Variants in DNAI3 observed in about 807,000 individuals in gnomAD.
The protein encoded by DNAI3 is dynein axonemal intermediate chain 3.
Under a neutral mutation model 115.5 loss-of-function variants are expected in DNAI3, and 83 were observed. That is an observed-to-expected ratio of 0.72 (90% CI 0.60 to 0.86). The LOEUF is 0.86. DNAI3 is among the 40% of genes least tolerant of loss of function. The pLI, the probability that DNAI3 is intolerant of heterozygous loss-of-function variation, is 0.00. For synonymous variants in DNAI3, 320 were observed against 347.0 expected (o/e 0.92, Z 0.86); for missense variants, 1,004 against 1,075.8 (o/e 0.93, Z 0.93).
intron 16 of DNAI3, among the ~76,000 whole-genome samples, chr1:85,110,450 C>CAAATAAAT (rs71582946): frequency 0.38 from 51,793 of 137,988 alleles, 10,140 homozygotes; most frequent in East Asian, 0.5. Flanking sequence ...GACTCCATCT[C>CAAATAAAT]AAATAAATAA....
intron 5 of DNAI3, among the ~76,000 whole-genome samples, chr1:85,084,277 T>TATATATATATATATATATATAC: frequency 7.8e-6 from 1 of 128,486 alleles, no homozygotes; most frequent in Non-Finnish European, 1.6e-5. Flanking sequence ...TATATATATA[T>TATATATATATATATATATATAC]ACACATCCAT....
intron 9 of DNAI3, chr1:85,094,044 G>T: frequency 2.5e-6 from 1 of 406,222 alleles, no homozygotes; most frequent in South Asian, 2.0e-5. Context: ...GAGCTCAGCA[G>T]CCAAGGGAGG....
intron 13 of DNAI3, among the ~76,000 whole-genome samples, chr1:85,104,095 C>A (rs1384513144): frequency 6.7e-6 from 1 of 149,596 alleles, no homozygotes; most frequent in Non-Finnish European, 1.5e-5. Flanking sequence ...TTCTGTTTCA[C>A]AAACTTCTGA....
intron 20 of DNAI3, among the ~76,000 whole-genome samples, chr1:85,127,645 C>T (rs1322354333): frequency 1.3e-5 from 2 of 152,228 alleles, no homozygotes; most frequent in African/African-American, 4.8e-5. Context: ...CAGTCTTCAG[C>T]ATCTTGAGTG....
chr1:85,128,868 A>G (rs947399363), intron 21 of DNAI3, 69 bp downstream of exon 21: 9 of 1,407,258 alleles, frequency 6.4e-6, no homozygotes, highest in Admixed American at 2.0e-5. Flanking sequence ...CTTTAAAAAA[A>G]TGTTAGAAAT....
At chr1:85,091,705 A>G (rs1654980638) in intron 8 of DNAI3, among the ~76,000 whole-genome samples, 1 of 152,200 alleles carries the variant, frequency 6.6e-6, no homozygotes, top group African/African-American at 2.4e-5. Context: ...GAGATGAGAG[A>G]GAGGAACTTC....
chr1:85,116,508 T>A (rs1208506282), intron 16 of DNAI3, among the ~76,000 whole-genome samples: 1 of 152,258 alleles, frequency 6.6e-6, no homozygotes, highest in East Asian at 1.9e-4. Flanking sequence ...TATATGTATT[T>A]ACAAATTATA....
At chr1:85,103,849 T>C (rs1655402248) in intron 13 of DNAI3, among the ~76,000 whole-genome samples, 1 of 150,654 alleles carries the variant, frequency 6.6e-6, no homozygotes, top group Non-Finnish European at 1.5e-5. Context: ...ATTGTGCCAC[T>C]GTACTCCAAC....
Position 85,110,053 on chromosome 1 carries a change from G to T in DNAI3, c.1704G>T (p.Arg568Ser). ...GCTATATGTTCTCCCAAAAGGTAAGGCTGTCCAAGGGTGAAACAAGTTTAG... is the reference window on the plus strand; with the variant it reads ...GCTATATGTTCTCCCAAAAGGTAAGTCTGTCCAAGGGTGAAACAAGTTTAG... ...DLSWKPLTKV[R>S]LSKGETSLDH... is the part of the protein sequence containing the mutation. Residue 568 changes from arginine (R) to serine (S), a missense_variant, in exon 16 of 23, where the codon AGG becomes AGT. By Grantham distance (110) the Arg-to-Ser change is moderately radical (BLOSUM62 -1). Transcript: ENST00000294664. The T allele has an allele frequency of 6.2e-7, 1 of 1,613,574 alleles. No homozygotes were observed. Among genetic ancestry groups the T allele is most frequent in the East Asian group, 2.2e-5 (1 of 44,854 alleles).
intron 14 of DNAI3, among the ~76,000 whole-genome samples, chr1:85,107,085 T>A (rs1655510255): frequency 6.6e-6 from 1 of 152,200 alleles, no homozygotes; most frequent in Admixed American, 6.5e-5. Context: ...AAGCAACAAG[T>A]GTTGGTGAAC....
intron 13 of DNAI3, among the ~76,000 whole-genome samples, chr1:85,100,794 T>TA (rs1655277946): frequency 1.3e-5 from 2 of 152,060 alleles, no homozygotes; most frequent in Non-Finnish European, 2.9e-5. Flanking sequence ...TATGCAGGCA[T>TA]AAAAAATGAT....
intron 5 of DNAI3, 108 bp from the exon 6 acceptor site, chr1:85,084,438 T>C (rs1341303682): frequency 1.2e-6 from 1 of 826,354 alleles, no homozygotes; most frequent in Non-Finnish European, 1.6e-6. Flanking sequence ...AAAAAGGTGC[T>C]TAATGAATTT....
intron 6 of DNAI3, among the ~76,000 whole-genome samples, chr1:85,085,409 G>A (rs1386748427): frequency 6.6e-6 from 1 of 152,174 alleles, no homozygotes; most frequent in Non-Finnish European, 1.5e-5. Context: ...AACATGACAA[G>A]CGCTGAACAG....
chr1:85,124,695 T>G (rs970188781), intron 19 of DNAI3, among the ~76,000 whole-genome samples: 2 of 152,138 alleles, frequency 1.3e-5, no homozygotes. Flanking sequence ...CAAGCCCAGC[T>G]TTTTTGTGTG....
chr1:85,100,987 GA>G (rs1655288432), intron 13 of DNAI3, among the ~76,000 whole-genome samples: 1 of 150,956 alleles, frequency 6.6e-6, no homozygotes, highest in South Asian at 2.1e-4. Flanking sequence ...GTGGGGGGAG[GA>G]GGGGGGATAG....
intron 21 of DNAI3, 113 bp downstream of exon 21, chr1:85,128,912 C>A: frequency 1.2e-6 from 1 of 861,352 alleles, no homozygotes; most frequent in Non-Finnish European, 1.9e-6. Flanking sequence ...GAACAAAAGA[C>A]TCATACAGTA....
In DNAI3 at chr1:85,108,128, T is replaced by C; in HGVS notation, c.1649T>C (p.Val550Ala). 2 of 1,609,208 alleles carry C rather than the reference T, an allele frequency of 1.2e-6. No individual in the cohort carries two copies. The highest frequency in any genetic ancestry group is 4.5e-5 in the East Asian group (2 of 44,590). ...KEESIEIPFD[V>A]PSTFLHLDLS... is the part of the protein sequence containing the mutation. ...GAAAGTATTGAAATTCCTTTTGATGTACCATCTACTTTTTTGCATCTGGAT... is the reference window on the plus strand; with the variant it reads ...GAAAGTATTGAAATTCCTTTTGATGCACCATCTACTTTTTTGCATCTGGAT... The change falls in exon 15 of 23, where the codon GTA becomes GCA. Residue 550 changes from valine (V) to alanine (A), a missense_variant. Val to Ala is a moderately conservative substitution (Grantham distance 64, BLOSUM62 0). Around this residue, in one of 3 missense-constraint regions of DNAI3, gnomAD observed 429 missense variants for 454.3 expected, o/e 0.94. Transcript: ENST00000294664.
At chr1:85,097,099 CCTT>C (rs1161171764) in intron 11 of DNAI3, among the ~76,000 whole-genome samples, 1 of 151,928 alleles carries the variant, frequency 6.6e-6, no homozygotes, top group Non-Finnish European at 1.5e-5. Context: ...TAAAAAATGG[CCTT>C]CTAGATACAT....
intron 16 of DNAI3, among the ~76,000 whole-genome samples, chr1:85,110,342 C>T (rs1306075618): frequency 1.3e-5 from 2 of 151,224 alleles, no homozygotes; most frequent in Non-Finnish European, 3.0e-5. Context: ...TCCCAGCTAT[C>T]CCGGAGGCTG....
Sources: gnomAD v4.1 joint callset for allele counts (sites outside exome capture counted in the v4.1 genomes callset) on GRCh38, gnomAD v4.1.1 for gene constraint, gnomAD v4.1.1 regional missense constraint, MANE v1.5 for transcripts, NCBI Gene and HGNC (gene_info 2026-07-23, HGNC 2026-07-21) for gene names.